The following GPC5 variants were observed in gnomAD, a reference collection of about 807,000 sequenced individuals.
GPC5 encodes the protein glypican-5.
GPC5 carries 47 observed loss-of-function variants against 53.9 expected under a neutral mutation model. The observed-to-expected ratio is 0.87, with a 90% CI of 0.69 to 1.11. The LOEUF (loss-of-function observed/expected upper bound fraction) is 1.11, where lower values mean the gene tolerates loss of function less well. Among genes scored for constraint, GPC5 ranks in the 50% most tolerant of loss-of-function variants. GPC5 has a pLI of 0.00. For synonymous variants in GPC5, 286 were observed against 263.3 expected, an observed-to-expected ratio of 1.09 and a Z score of -0.84; for missense variants, 748 against 713.1, an observed-to-expected ratio of 1.05 and a Z score of -0.56.
At chr13:91,880,578 GT>G (rs2039253278) in intron 5 of GPC5, among the ~76,000 whole-genome samples, 2 of 151,962 alleles carry the variant, frequency 1.3e-5, no homozygotes, top group South Asian at 4.1e-4. Context: ...CATCAATTTA[GT>G]CATTTTAATA....
At chr13:92,753,120 C>T (rs1258430603) in intron 7 of GPC5, among the ~76,000 whole-genome samples, 1 of 152,184 alleles carries the variant, frequency 6.6e-6, no homozygotes, top group African/African-American at 2.4e-5. Flanking sequence ...AGTGGTTCTC[C>T]CAGCACTCAG....
At chr13:91,986,344 C>T (rs975470633) in intron 6 of GPC5, among the ~76,000 whole-genome samples, 1 of 152,066 alleles carries the variant, frequency 6.6e-6, no homozygotes, top group African/African-American at 2.4e-5. Flanking sequence ...GGATTACAGG[C>T]GTCAGCCACC....
rs149884579 is a variant in GPC5, at chr13:92,381,614, T to C, written c.1561+236625T>C. 4.1e-3 allele frequency among the ~76,000 whole-genome samples: 621 copies of C among 151,780 alleles called. 4 individuals carry two copies. The highest frequency in any genetic ancestry group is 0.014 in the African/African-American group (594 of 41,404). ...TGGAGATTCCTTAAAGAACTAAAAG[T>C]AGAACTACCATTTGATCCGGCAATC... On this transcript the variant is annotated intron_variant, in intron 7 of 7. Transcript: ENST00000377067.
At chr13:91,617,435 A>G (rs1046250027) in intron 2 of GPC5, among the ~76,000 whole-genome samples, 2 of 152,132 alleles carry the variant, frequency 1.3e-5, no homozygotes, top group Non-Finnish European at 2.9e-5. Flanking sequence ...GCATAGCATG[A>G]TATGGTTAAG....
At chr13:92,317,758 C>A (rs1172402938) in intron 7 of GPC5, among the ~76,000 whole-genome samples, 1 of 152,154 alleles carries the variant, frequency 6.6e-6, no homozygotes, top group Non-Finnish European at 1.5e-5. Context: ...GCCTCAGCCT[C>A]CCATAGTGCT....
chr13:92,508,054 C>T (rs1001004415), intron 7 of GPC5, among the ~76,000 whole-genome samples: 11 of 152,098 alleles, frequency 7.2e-5, no homozygotes, highest in Admixed American at 3.3e-4. Context: ...ATCTCCGCCT[C>T]CCAGGTTCAA....
At chr13:92,461,761 C>T (rs143893698) in intron 7 of GPC5, among the ~76,000 whole-genome samples, 5 of 152,290 alleles carry the variant, frequency 3.3e-5, no homozygotes, top group South Asian at 2.1e-4. Flanking sequence ...GGAAGAGGAC[C>T]CTTAGCAGAC....
intron 6 of GPC5, among the ~76,000 whole-genome samples, chr13:91,957,902 CA>C (rs2040089035): frequency 6.6e-6 from 1 of 151,636 alleles, no homozygotes; most frequent in African/African-American, 2.4e-5. Context: ...AGAAAAAACT[CA>C]AAAATTACCA....
chr13:92,260,532 T>C (rs1409194954), intron 7 of GPC5, among the ~76,000 whole-genome samples: 1 of 152,174 alleles, frequency 6.6e-6, no homozygotes, highest in African/African-American at 2.4e-5. Context: ...TTCAGGTCTG[T>C]GCTCCTTGCC....
At chr13:92,706,822 G>T (rs1301637772) in intron 7 of GPC5, among the ~76,000 whole-genome samples, 1 of 152,146 alleles carries the variant, frequency 6.6e-6, no homozygotes, top group African/African-American at 2.4e-5. Flanking sequence ...ATGAATGTTT[G>T]TGTCCCTGCA....
chr13:91,585,442 T>C (rs1356391952), intron 2 of GPC5, among the ~76,000 whole-genome samples: 1 of 152,180 alleles, frequency 6.6e-6, no homozygotes, highest in Admixed American at 6.5e-5. Context: ...ACTTATGCAA[T>C]GAAACACTGC....
chr13:91,417,240 G>A (rs916657070), intron 1 of GPC5, among the ~76,000 whole-genome samples: 4 of 152,302 alleles, frequency 2.6e-5, no homozygotes, highest in East Asian at 1.9e-4. Context: ...TACCAAGGTC[G>A]TGATGTGTAG....
chr13:92,607,224 A>G (rs1161592029), intron 7 of GPC5, among the ~76,000 whole-genome samples: 3 of 152,132 alleles, frequency 2.0e-5, no homozygotes, highest in Non-Finnish European at 4.4e-5. Flanking sequence ...ATAAAGTAAT[A>G]TGAGAAAAAA....
intron 6 of GPC5, among the ~76,000 whole-genome samples, chr13:91,924,241 A>G (rs527387703): frequency 2.7e-4 from 41 of 152,310 alleles, no homozygotes; most frequent in African/African-American, 9.4e-4. Context: ...TTCTGATTTA[A>G]GTTACTGTAT....
At position 92,349,696 on chromosome 13, in the gene GPC5, A is replaced by G. The variant is rs539306213; in HGVS notation, c.1561+204707A>G. Reference sequence around the variant, plus strand: ...ACCTACCAAGATTGAATCATGCAGAAATAAAAAATCTGAAATGACCAATAA... The same window carrying G: ...ACCTACCAAGATTGAATCATGCAGAGATAAAAAATCTGAAATGACCAATAA... On this transcript the variant is annotated intron_variant, in intron 7 of 7. Coordinates refer to ENST00000377067, the MANE Select transcript of GPC5 (RefSeq NM_004466.6). Among the ~76,000 whole-genome samples, 389 of 152,224 alleles carry G rather than the reference A, an allele frequency of 2.6e-3. 1 individual carries two copies. The highest frequency in any genetic ancestry group is 3.7e-3 in the Non-Finnish European group (249 of 68,008).
At chr13:91,840,287 G>T (rs1453450650) in intron 5 of GPC5, among the ~76,000 whole-genome samples, 1 of 151,626 alleles carries the variant, frequency 6.6e-6, no homozygotes, top group Non-Finnish European at 1.5e-5. Context: ...TTTCTCTTTA[G>T]CAACCATCTG....
chr13:91,971,144 G>T (rs965321927), intron 6 of GPC5, among the ~76,000 whole-genome samples: 8 of 152,042 alleles, frequency 5.3e-5, no homozygotes, highest in African/African-American at 1.4e-4. Context: ...CAATTTCAGA[G>T]CCTGTTATTG....
intron 7 of GPC5, among the ~76,000 whole-genome samples, chr13:92,723,299 T>C (rs1056219987): frequency 7.4e-5 from 3 of 40,720 alleles, no homozygotes; most frequent in Admixed American, 7.6e-4. Context: ...CTGGACCAAA[T>C]AGAGATTTCT....
At chr13:92,335,589 T>C (rs998892524) in intron 7 of GPC5, among the ~76,000 whole-genome samples, 6 of 152,208 alleles carry the variant, frequency 3.9e-5, no homozygotes, top group African/African-American at 1.4e-4. Context: ...TACTGCTTTG[T>C]CAGGGTACAG....
Sources: allele counts gnomAD v4.1 joint callset (sites outside exome capture counted in the v4.1 genomes callset), GRCh38; gene constraint gnomAD v4.1.1; transcripts MANE v1.5; gene names NCBI Gene and HGNC (gene_info 2026-07-23, HGNC 2026-07-21).